BRINP1: variants seen among roughly 807,000 people sequenced by gnomAD.
BRINP1 encodes the protein BMP/retinoic acid inducible neural specific 1, also known as BMP/retinoic acid-inducible neural-specific protein 1.
Under a neutral mutation model 72.9 loss-of-function variants are expected in BRINP1, and 17 were observed. The observed-to-expected ratio is 0.23, with a 90% confidence interval of 0.16 to 0.35. BRINP1 has a LOEUF of 0.35. BRINP1 is among the 10% of genes least tolerant of loss of function. The pLI, the probability that BRINP1 is intolerant of heterozygous loss-of-function variation, is 1.00. For missense variants in BRINP1, 850 were observed against 1,001.6 expected, an observed-to-expected ratio of 0.85 and a Z score of 2.04; for synonymous variants, 418 against 378.5, an observed-to-expected ratio of 1.10 and a Z score of -1.21.
chr9:119,279,058 A>G (rs1830683892), intron 2 of BRINP1, among the ~76,000 whole-genome samples: 1 of 152,202 alleles, frequency 6.6e-6, no homozygotes, highest in Admixed American at 6.5e-5. Context: ...ACACTGATTT[A>G]CCAGGGCTCA....
At chr9:119,322,327 C>T (rs1338655121) in intron 1 of BRINP1, among the ~76,000 whole-genome samples, 2 of 152,154 alleles carry the variant, frequency 1.3e-5, no homozygotes, top group Admixed American at 1.3e-4. Flanking sequence ...TACCCAGAGC[C>T]GCCAACACTG....
chr9:119,176,365 A>T (rs1245693102), intron 7 of BRINP1, among the ~76,000 whole-genome samples: 2 of 152,260 alleles, frequency 1.3e-5, no homozygotes, highest in South Asian at 2.1e-4. Flanking sequence ...GCTAATTTGC[A>T]TTGTACTCTC....
intron 2 of BRINP1, among the ~76,000 whole-genome samples, chr9:119,311,260 C>A (rs192616734): frequency 9.2e-5 from 14 of 152,244 alleles, no homozygotes; most frequent in African/African-American, 3.4e-4. Context: ...AACTAGATGA[C>A]CAGGGGCCTA....
At chr9:119,366,247 T>A (rs1831689816) in intron 1 of BRINP1, among the ~76,000 whole-genome samples, 1 of 152,150 alleles carries the variant, frequency 6.6e-6, no homozygotes, top group Non-Finnish European at 1.5e-5. Flanking sequence ...TATTAATGTC[T>A]AGGGGTGAGA....
At chr9:119,181,573 T>G (rs1473197831) in intron 7 of BRINP1, among the ~76,000 whole-genome samples, 4 of 152,200 alleles carry the variant, frequency 2.6e-5, no homozygotes, top group Non-Finnish European at 5.9e-5. Context: ...AAAGAAGTAA[T>G]GACTGACCAT....
chr9:119,226,322 A>G (rs1035384612), intron 5 of BRINP1, among the ~76,000 whole-genome samples: 1 of 152,056 alleles, frequency 6.6e-6, no homozygotes, highest in African/African-American at 2.4e-5. Flanking sequence ...TGCACAATCA[A>G]TGAGATCGAC....
chr9:119,169,180 G>C (rs187631879), intron 7 of BRINP1, among the ~76,000 whole-genome samples: 1 of 152,202 alleles, frequency 6.6e-6, no homozygotes, highest in Admixed American at 6.5e-5. Flanking sequence ...CGTGAGCGAC[G>C]CAGAAGACAG....
At position 119,195,233 on chromosome 9, in the gene BRINP1, C is replaced by G. The variant is rs890371702; in HGVS notation, c.1145+13486G>C. 2.6e-5 allele frequency among the ~76,000 whole-genome samples: 4 copies of G among 152,118 alleles called. No homozygotes were observed. The East Asian group carries it at 7.7e-4, about 29-fold the overall frequency. On this transcript the variant is annotated intron_variant, in intron 7 of 7. Transcript: ENST00000265922. ...GCTCACCCCCCTACCACTTGTATCC[C>G]GCCTGGCACTTAGTGAGTATTCACT... is the stretch of plus-strand genomic sequence containing the variant.
chr9:119,234,164 A>C (rs1830171961), intron 5 of BRINP1, among the ~76,000 whole-genome samples: 1 of 152,178 alleles, frequency 6.6e-6, no homozygotes, highest in African/African-American at 2.4e-5. Flanking sequence ...TCATTGACCA[A>C]GGACACGTGC....
intron 2 of BRINP1, among the ~76,000 whole-genome samples, chr9:119,303,856 A>G (rs1438138033): frequency 6.7e-6 from 1 of 150,336 alleles, no homozygotes; most frequent in East Asian, 2.0e-4. Flanking sequence ...GCTCTATGCT[A>G]AAGACTATCT....
At chr9:119,234,919 T>C (rs1830180429) in intron 5 of BRINP1, among the ~76,000 whole-genome samples, 1 of 152,170 alleles carries the variant, frequency 6.6e-6, no homozygotes, top group Non-Finnish European at 1.5e-5. Flanking sequence ...TCTTGAGTCA[T>C]AGATACTTGC....
chr9:119,271,100 G>A (rs938891906), intron 2 of BRINP1, among the ~76,000 whole-genome samples: 10 of 152,120 alleles, frequency 6.6e-5, no homozygotes, highest in African/African-American at 2.4e-4. Context: ...AAAGCTTCCT[G>A]GAAGAAGTAA....
intron 7 of BRINP1, among the ~76,000 whole-genome samples, chr9:119,204,030 C>G (rs542387781): frequency 6.6e-6 from 1 of 152,268 alleles, no homozygotes; most frequent in South Asian, 2.1e-4. Context: ...CTTTTGGTCT[C>G]AGGACACTCC....
intron 7 of BRINP1, among the ~76,000 whole-genome samples, chr9:119,202,111 G>A (rs762806733): frequency 5.3e-5 from 8 of 152,070 alleles, no homozygotes; most frequent in Non-Finnish European, 1.2e-4. Flanking sequence ...ATTCTGGTGG[G>A]CTTGAAGCCT....
intron 3 of BRINP1, among the ~76,000 whole-genome samples, chr9:119,248,657 C>A (rs1830347508): frequency 6.6e-6 from 1 of 152,096 alleles, no homozygotes; most frequent in African/African-American, 2.4e-5. Flanking sequence ...CAGATTAGAC[C>A]AAAGGAACTG....
chr9:119,304,317 C>T (rs181598071), intron 2 of BRINP1, among the ~76,000 whole-genome samples: 4 of 152,264 alleles, frequency 2.6e-5, no homozygotes, highest in Admixed American at 1.3e-4. Flanking sequence ...AGTGGCAGAA[C>T]CAGGATTCAA....
intron 7 of BRINP1, among the ~76,000 whole-genome samples, chr9:119,203,726 A>G (rs1027423932): frequency 6.6e-6 from 1 of 152,200 alleles, no homozygotes; most frequent in Non-Finnish European, 1.5e-5. Flanking sequence ...TTACAAATAG[A>G]CAACTCTATT....
intron 5 of BRINP1, 86 bp from the exon 6 acceptor site, chr9:119,214,241 C>T: frequency 1.1e-6 from 1 of 945,476 alleles, no homozygotes; most frequent in Admixed American, 2.0e-5. Flanking sequence ...ACATAGGAAT[C>T]TGAAGCTGCT....
Position 119,232,444 on chromosome 9 carries a change from A to T in BRINP1, c.685+6211T>A, listed in dbSNP as rs376192020. On this transcript the variant is annotated intron_variant, in intron 5 of 7. Transcript: ENST00000265922. ...CTGCCTAAATTTTCAATTGCTTCTCATTGCATCTAGAGTAAAATCTGATAT... is the reference window on the plus strand; with the variant it reads ...CTGCCTAAATTTTCAATTGCTTCTCTTTGCATCTAGAGTAAAATCTGATAT... Among the ~76,000 whole-genome samples the T allele has an allele frequency of 7.2e-5, 11 of 152,236 alleles. No homozygotes were observed. The South Asian group carries it at 2.1e-3, about 29-fold the overall frequency.
Sources: gnomAD v4.1 joint callset for allele counts (sites outside exome capture counted in the v4.1 genomes callset) on GRCh38, gnomAD v4.1.1 for gene constraint, MANE v1.5 for transcripts, NCBI Gene and HGNC (gene_info 2026-07-23, HGNC 2026-07-21) for gene names.